The following POU1F1 variants were observed in gnomAD, a reference collection of about 807,000 sequenced individuals.
POU1F1 encodes the protein POU class 1 homeobox 1, also known as pituitary-specific positive transcription factor 1.
Under a neutral mutation model 32.3 loss-of-function variants are expected in POU1F1, and 23 were observed. That is an observed-to-expected ratio of 0.71 (90% CI 0.51 to 1.01). The LOEUF is 1.01. Among genes scored for constraint, POU1F1 ranks in the 50% least tolerant of loss-of-function variants. The pLI is 0.00. For synonymous variants in POU1F1, 120 were observed against 115.6 expected (o/e 1.04, Z -0.25); for missense variants, 323 against 341.6 (o/e 0.95, Z 0.43).
chr3:87,261,080 T>A (rs1706505786), intron 5 of POU1F1, among the ~76,000 whole-genome samples, 193 bp downstream of exon 5: 1 of 151,878 alleles, frequency 6.6e-6, no homozygotes, highest in Admixed American at 6.6e-5. Context: ...CCGGCTAAAT[T>A]TTGTATTTTT....
intron 5 of POU1F1, among the ~76,000 whole-genome samples, chr3:87,260,890 T>G (rs943499723): frequency 1.4e-5 from 2 of 145,626 alleles, no homozygotes; most frequent in South Asian, 4.3e-4. Context: ...ATTTATTTAT[T>G]TATTTATTTA....
At chr3:87,263,453 AT>A (rs1282912931) in intron 3 of POU1F1, among the ~76,000 whole-genome samples, 3 of 152,106 alleles carry the variant, frequency 2.0e-5, no homozygotes, top group Non-Finnish European at 4.4e-5. Flanking sequence ...AAAGAAATAG[AT>A]TTTAAAAACT....
Position 87,266,714 on chromosome 3 carries a change from A to G in POU1F1, c.215-2202T>C, listed in dbSNP as rs368241054. 6.2e-4 allele frequency among the ~76,000 whole-genome samples: 95 copies of G among 152,018 alleles called. No individual in the cohort carries two copies. The East Asian group carries it at 8.9e-3, about 14-fold the overall frequency. ...TTATTATATAGCTTTTCTTGAAAATATTTATTGCCGTGGGGTTTATTTTTA... is the reference window on the plus strand; with the variant it reads ...TTATTATATAGCTTTTCTTGAAAATGTTTATTGCCGTGGGGTTTATTTTTA... On this transcript the variant is annotated intron_variant, in intron 2 of 5. Transcript: ENST00000350375.
At chr3:87,261,201 T>C in intron 5 of POU1F1, 72 bp downstream of exon 5, 2 of 1,140,372 alleles carry the variant, frequency 1.8e-6, no homozygotes, top group Non-Finnish European at 2.6e-6. Context: ...TACACCTGCA[T>C]TACACTCAAA....
At chr3:87,265,795 G>C (rs1706609530) in intron 2 of POU1F1, among the ~76,000 whole-genome samples, 2 of 151,836 alleles carry the variant, frequency 1.3e-5, no homozygotes, top group South Asian at 4.1e-4. Flanking sequence ...TAGGTTATAT[G>C]CAAATACTAC....
At chr3:87,273,792 C>T (rs1409071266) in intron 1 of POU1F1, among the ~76,000 whole-genome samples, 1 of 152,124 alleles carries the variant, frequency 6.6e-6, no homozygotes, top group African/African-American at 2.4e-5. Flanking sequence ...CTTGTTGGTT[C>T]TGTTCAATGC....
chr3:87,268,240 G>A (rs965226390), intron 2 of POU1F1, among the ~76,000 whole-genome samples: 7 of 150,454 alleles, frequency 4.7e-5, no homozygotes, highest in African/African-American at 1.5e-4. Context: ...CACCACACCC[G>A]GCTAATTTTT....
intron 5 of POU1F1, among the ~76,000 whole-genome samples, chr3:87,260,438 C>T (rs956626123): frequency 1.3e-5 from 2 of 152,110 alleles, no homozygotes; most frequent in Non-Finnish European, 2.9e-5. Context: ...CTAAATATCT[C>T]CCCAAAATCA....
Position 87,260,176 on chromosome 3 carries a change from G to A in POU1F1, c.666-72C>T, listed in dbSNP as rs956866175. On this transcript the variant is annotated intron_variant, in intron 5 of 5. Transcript: ENST00000350375. ...AAGTTTTTGGCAGCTCAAAATTAAGGTAGGTTGAATTTCCTCAATATTAAC... is the reference window on the plus strand; with the variant it reads ...AAGTTTTTGGCAGCTCAAAATTAAGATAGGTTGAATTTCCTCAATATTAAC... 3.2e-6 allele frequency: 4 copies of A among 1,232,842 alleles called. No individual in the cohort carries two copies. The African/African-American group carries it at 4.5e-5, about 14-fold the overall frequency. The allele number at this position is 1,232,842 out of a possible 1,614,324, so 76.4% of individuals were successfully genotyped here.
chr3:87,262,200 C>A lies in POU1F1; in HGVS notation c.475G>T (p.Ala159Ser). The change falls in exon 4 of 6, where the codon GCT (alanine) becomes TCT (serine). Residue 159 changes from alanine (A) to serine (S), a missense_variant. By Grantham distance (99) the Ala-to-Ser change is moderately conservative (BLOSUM62 1). Transcript: ENST00000350375. ...TGACTGAATTCAGAGCCATGCACAG[C>A]TGCCAGGGCCTCCCCAACATTTGTC... ...TQTNVGEALA[A>S]VHGSEFSQTT... 9 of 1,614,160 alleles carry A rather than the reference C, an allele frequency of 5.6e-6. No homozygotes were observed. Among genetic ancestry groups the A allele is most frequent in the Non-Finnish European group, 7.6e-6 (9 of 1,179,986 alleles).
intron 2 of POU1F1, among the ~76,000 whole-genome samples, chr3:87,266,231 ATTT>A (rs1351903298): frequency 6.8e-6 from 1 of 146,984 alleles, no homozygotes; most frequent in Non-Finnish European, 1.5e-5. Context: ...ATTTAATTTA[ATTT>A]ATTTATATAA....
rs201065285 is a variant in POU1F1 at position 87,264,503 on chromosome 3, G to T, written c.224C>A (p.Thr75Asn). ...STYGVMAGSLTPCLYKFPDHT... is the reference protein window; with the variant it reads ...STYGVMAGSLNPCLYKFPDHT... ...GTCAGGAAATTTATAAAGACAAGGG[G>T]TTAAACTACCTGTGAGTAAACAAAG... The change falls in exon 3 of 6, where the codon ACC (threonine) becomes AAC (asparagine). Residue 75 changes from threonine (T) to asparagine (N), a missense_variant. Coordinates refer to ENST00000350375, the MANE Select transcript of POU1F1 (RefSeq NM_000306.4). 211 of 1,591,462 alleles carry T rather than the reference G, an allele frequency of 1.3e-4. 2 individuals are homozygous for T. The East Asian group carries it at 3.0e-3, about 23-fold the overall frequency.
Position 87,259,614 on chromosome 3 carries a change from T to A in POU1F1, c.*280A>T, listed in dbSNP as rs373934746. The A allele has an allele frequency of 4.5e-5, 18 of 398,920 alleles. No individual in the cohort carries two copies. Among genetic ancestry groups the A allele is most frequent in the East Asian group, 4.0e-4 (7 of 17,718 alleles). The allele number at this position is 398,920 out of a possible 1,614,324, so 24.7% of individuals were successfully genotyped here. On this transcript the variant is annotated 3_prime_UTR_variant, in exon 6 of 6. Transcript: ENST00000350375. ...CCATACTCATATGTCTGCGTGTGTG[T>A]GAGAAAGAGAGCGGGAGAGACAGAG...
chr3:87,260,073 A>G lies in POU1F1; in HGVS notation c.697T>C (p.Phe233Leu). 1 of 1,613,834 alleles carries G rather than the reference A, an allele frequency of 6.2e-7. No individual in the cohort carries two copies. The highest frequency in any genetic ancestry group is 1.1e-5 in the South Asian group (1 of 91,062). ...IAAKDALERHFGEQNKPSSQE... is the reference protein window; with the variant it reads ...IAAKDALERHLGEQNKPSSQE... ...GAAGAAGGTTTATTCTGTTCTCCAA[A>G]GTGTCTCTCCAGAGCATCTTTAGCA... Residue 233 changes from phenylalanine to leucine, a missense_variant, in exon 6 of 6, where the codon TTT (phenylalanine) becomes CTT (leucine). By Grantham distance (22) the Phe-to-Leu change is conservative (BLOSUM62 0). Coordinates refer to ENST00000350375, the MANE Select transcript of POU1F1 (RefSeq NM_000306.4).
chr3:87,263,726 G>A (rs1373108983), intron 3 of POU1F1, among the ~76,000 whole-genome samples: 1 of 152,028 alleles, frequency 6.6e-6, no homozygotes, highest in African/African-American at 2.4e-5. Context: ...AATTTCATCA[G>A]TAGAGGACTG....
chr3:87,260,603 C>T (rs564766784), intron 5 of POU1F1, among the ~76,000 whole-genome samples: 2 of 152,200 alleles, frequency 1.3e-5, no homozygotes, highest in South Asian at 2.1e-4. Context: ...TCATGTTGAA[C>T]TTGAAGAGAC....
intron 1 of POU1F1, among the ~76,000 whole-genome samples, chr3:87,273,935 A>G (rs566448481): frequency 6.6e-6 from 1 of 152,330 alleles, no homozygotes; most frequent in Admixed American, 6.5e-5. Flanking sequence ...TTGTCTAACA[A>G]ATTTGTTTCA....
intron 1 of POU1F1, among the ~76,000 whole-genome samples, chr3:87,275,222 A>G (rs1199086482): frequency 6.6e-6 from 1 of 152,000 alleles, no homozygotes; most frequent in African/African-American, 2.4e-5. Flanking sequence ...TCTTTGGCGG[A>G]TTCCTGAAAT....
At chr3:87,265,683 C>G (rs1454615439) in intron 2 of POU1F1, among the ~76,000 whole-genome samples, 1 of 151,664 alleles carries the variant, frequency 6.6e-6, no homozygotes, top group Non-Finnish European at 1.5e-5. Context: ...AAAAATGATA[C>G]AAATAAAAAA....
Sources: gnomAD v4.1 joint callset for allele counts (sites outside exome capture counted in the v4.1 genomes callset) on GRCh38, gnomAD v4.1.1 for gene constraint, MANE v1.5 for transcripts, NCBI Gene and HGNC (gene_info 2026-07-23, HGNC 2026-07-21) for gene names.